Variants in NIBAN2 observed in about 807,000 individuals in gnomAD.
NIBAN2 encodes the protein protein Niban 2.
Under a neutral mutation model 81.8 loss-of-function variants are expected in NIBAN2, and 36 were observed. The observed-to-expected ratio is 0.44, with a 90% CI of 0.34 to 0.58. NIBAN2 has a LOEUF of 0.58. Among genes scored for constraint, NIBAN2 ranks in the 20% least tolerant of loss-of-function variants. The pLI, the probability that NIBAN2 is intolerant of heterozygous loss-of-function variation, is 0.02. For synonymous variants in NIBAN2, 445 were observed against 441.6 expected, an observed-to-expected ratio of 1.01 and a Z score of -0.10; for missense variants, 897 against 1,014.1, an observed-to-expected ratio of 0.88 and a Z score of 1.57.
At chr9:127,514,662 G>A (rs1239404795) in intron 8 of NIBAN2, among the ~76,000 whole-genome samples, 1 of 152,220 alleles carries the variant, frequency 6.6e-6, no homozygotes, top group Non-Finnish European at 1.5e-5. Flanking sequence ...GAATAGTGTG[G>A]CTGGCTCTGC....
chr9:127,514,786 C>T (rs575772432), intron 8 of NIBAN2, among the ~76,000 whole-genome samples: 1 of 152,318 alleles, frequency 6.6e-6, no homozygotes, highest in East Asian at 1.9e-4. Flanking sequence ...GCCCAGCTAA[C>T]GTTCTTTGTT....
chr9:127,554,712 C>T (rs1005146105), intron 1 of NIBAN2, among the ~76,000 whole-genome samples: 1 of 151,914 alleles, frequency 6.6e-6, no homozygotes, highest in African/African-American at 2.4e-5. Context: ...AGGTGTGCAA[C>T]CCCATGCCCG....
rs1564291596 is a variant in NIBAN2, at chr9:127,507,069, G to A, written c.2017C>T (p.Leu673Phe). ...PESPPPAGPL[L>F]NGAPAGESPQ... ...CTCTCCCCAGCGGGGGCCCCGTTGA[G>A]CAGGGGGCCGGCTGGTGGGGGGCTC... Residue 673 changes from leucine (L) to phenylalanine (F), a missense_variant, in exon 14 of 14, where the codon CTC (leucine) becomes TTC (phenylalanine). Transcript: ENST00000373312. This position sits in a 1 kb window ranked among gnomAD's most constrained non-coding sequence, Gnocchi z 6.8. 1.9e-6 allele frequency: 3 copies of A among 1,575,646 alleles called. No individual in the cohort carries two copies. Among genetic ancestry groups the A allele is most frequent in the East Asian group, 4.7e-5 (2 of 42,868 alleles).
chr9:127,527,919 C>A (rs1297426699), intron 2 of NIBAN2, among the ~76,000 whole-genome samples: 1 of 152,040 alleles, frequency 6.6e-6, no homozygotes, highest in South Asian at 2.1e-4. Flanking sequence ...ATGGAGGGGG[C>A]CTCTGTCTGG....
rs1293391075 is a variant in NIBAN2 at position 127,508,632 on chromosome 9, C to T, written c.1318-94G>A. On this transcript the variant is annotated intron_variant, in intron 10 of 13. Transcript: ENST00000373312. This position sits in a 1 kb window ranked among gnomAD's most constrained non-coding sequence, Gnocchi z 6.4. ...GGGTCCTCATCCTCAACCAGCCCCC[C>T]ACCCCGAGGCCTGCCAGGGAGGAAT... 3.8e-6 allele frequency: 4 copies of T among 1,056,212 alleles called. No individual in the cohort carries two copies. In the Admixed American group the frequency reaches 5.2e-5, roughly 14 times the overall value. The allele number at this position is 1,056,212 out of a possible 1,614,324, so 65.4% of individuals were successfully genotyped here.
chr9:127,577,067 A>C (rs549230002), intron 1 of NIBAN2, among the ~76,000 whole-genome samples: 2 of 151,644 alleles, frequency 1.3e-5, no homozygotes, highest in East Asian at 3.9e-4. Flanking sequence ...ACGCACTTTC[A>C]GAGGCCGAGG....
intron 1 of NIBAN2, among the ~76,000 whole-genome samples, chr9:127,551,793 C>T (rs1293608273): frequency 6.6e-6 from 1 of 152,182 alleles, no homozygotes. Context: ...GCCAGGCTGG[C>T]AAGAACCACA....
intron 8 of NIBAN2, among the ~76,000 whole-genome samples, chr9:127,512,873 T>C (rs1311703584): frequency 6.6e-6 from 1 of 152,170 alleles, no homozygotes; most frequent in East Asian, 1.9e-4. Context: ...GCTGGGTATA[T>C]ACCCAAATAA....
intron 1 of NIBAN2, among the ~76,000 whole-genome samples, chr9:127,540,545 G>A (rs1837359306): frequency 2.0e-5 from 3 of 152,128 alleles, no homozygotes; most frequent in Admixed American, 6.5e-5. Context: ...ACTCAACCTC[G>A]GGCCAGGTGG....
intron 1 of NIBAN2, among the ~76,000 whole-genome samples, chr9:127,537,099 G>A (rs1357582976): frequency 6.6e-6 from 1 of 152,222 alleles, no homozygotes; most frequent in African/African-American, 2.4e-5. Context: ...AGGGAATGGA[G>A]TGGGGCAGGA....
At chr9:127,564,111 G>A (rs1837818310) in intron 1 of NIBAN2, among the ~76,000 whole-genome samples, 1 of 151,932 alleles carries the variant, frequency 6.6e-6, no homozygotes. Context: ...TGACCAATAT[G>A]GTAAAACCCC....
chr9:127,547,861 A>C (rs1316048472), intron 1 of NIBAN2, among the ~76,000 whole-genome samples: 1 of 152,144 alleles, frequency 6.6e-6, no homozygotes, highest in Non-Finnish European at 1.5e-5. Flanking sequence ...CAAACAAAAA[A>C]AACCCAGCAA....
At chr9:127,524,303 A>T (rs1588161461) in intron 4 of NIBAN2, among the ~76,000 whole-genome samples, 1 of 152,236 alleles carries the variant, frequency 6.6e-6, no homozygotes, top group Non-Finnish European at 1.5e-5. Flanking sequence ...TCCCTCCTTC[A>T]ATTTCATTCT....
At chr9:127,569,476 CTGAG>C (rs1324719886), upstream of NIBAN2, among the ~76,000 whole-genome samples, 1 of 151,880 alleles carries the variant, frequency 6.6e-6, no homozygotes, top group Admixed American at 6.6e-5. Flanking sequence ...GGACTCCAGC[CTGAG>C]TGTCACCCCC....
At chr9:127,529,123 T>C (rs1837131722) in intron 2 of NIBAN2, among the ~76,000 whole-genome samples, 1 of 151,698 alleles carries the variant, frequency 6.6e-6, no homozygotes, top group Non-Finnish European at 1.5e-5. Flanking sequence ...CCAGGCAAAA[T>C]ATTTTAGACT....
At chr9:127,535,642 G>C (rs1417581497) in intron 1 of NIBAN2, among the ~76,000 whole-genome samples, 3 of 152,166 alleles carry the variant, frequency 2.0e-5, no homozygotes, top group Non-Finnish European at 4.4e-5. Context: ...AGGGGTCCAG[G>C]ATGCAGTTCC....
At chr9:127,539,509 C>T (rs968200604) in intron 1 of NIBAN2, among the ~76,000 whole-genome samples, 19 of 152,204 alleles carry the variant, frequency 1.2e-4, no homozygotes, top group African/African-American at 4.6e-4. Context: ...GCTCCACTGG[C>T]CCCTGTCGGG....
At chr9:127,565,253 C>T (rs1038464460) in intron 1 of NIBAN2, among the ~76,000 whole-genome samples, 3 of 152,044 alleles carry the variant, frequency 2.0e-5, no homozygotes, top group Non-Finnish European at 2.9e-5. Flanking sequence ...TGAGCCACCA[C>T]GCCTGGCCTG....
chr9:127,549,381 G>GCACATGCACGCACACACACT (rs1837532524), intron 1 of NIBAN2, among the ~76,000 whole-genome samples: 1 of 150,962 alleles, frequency 6.6e-6, no homozygotes, highest in African/African-American at 2.4e-5. Context: ...ACATGTGCAT[G>GCACATGCACGCACACACACT]CACATGCACG....
Sources: gnomAD v4.1 joint callset for allele counts (sites outside exome capture counted in the v4.1 genomes callset) on GRCh38, gnomAD v4.1.1 for gene constraint, Gnocchi (gnomAD v3.1) non-coding constraint, MANE v1.5 for transcripts, NCBI Gene and HGNC (gene_info 2026-07-23, HGNC 2026-07-21) for gene names.